Variants in CNTNAP2 observed in about 807,000 individuals in gnomAD.
The protein encoded by CNTNAP2 is contactin associated protein 2, also known as contactin-associated protein-like 2.
Under a neutral mutation model 155.2 loss-of-function variants are expected in CNTNAP2, and 98 were observed. That is an observed-to-expected ratio of 0.63 (90% CI 0.54 to 0.75). The LOEUF (loss-of-function observed/expected upper bound fraction) is 0.75, where lower values mean the gene tolerates loss of function less well. CNTNAP2 is among the 30% of genes least tolerant of loss of function. CNTNAP2 has a pLI of 0.00. For synonymous variants in CNTNAP2, 651 were observed against 631.2 expected, an observed-to-expected ratio of 1.03 and a Z score of -0.47; for missense variants, 1,727 against 1,688.1, an observed-to-expected ratio of 1.02 and a Z score of -0.40.
chr7:147,618,106 A>T (rs1381989274), intron 12 of CNTNAP2, among the ~76,000 whole-genome samples: 2 of 152,210 alleles, frequency 1.3e-5, no homozygotes, highest in African/African-American at 4.8e-5. Flanking sequence ...GATGCAGAAG[A>T]AATTTAAAGA....
At chr7:147,350,289 A>G (rs1249396834) in intron 9 of CNTNAP2, among the ~76,000 whole-genome samples, 1 of 151,988 alleles carries the variant, frequency 6.6e-6, no homozygotes, top group South Asian at 2.1e-4. Flanking sequence ...CACAAGATTT[A>G]GAAATCACCT....
chr7:147,315,212 T>C (rs1035660675), intron 9 of CNTNAP2, among the ~76,000 whole-genome samples: 1 of 150,716 alleles, frequency 6.6e-6, no homozygotes, highest in African/African-American at 2.4e-5. Context: ...ACAGATTTTC[T>C]TTTTTTCTTA....
chr7:146,467,384 C>T (rs573565884), intron 1 of CNTNAP2, among the ~76,000 whole-genome samples: 1 of 152,138 alleles, frequency 6.6e-6, no homozygotes, highest in East Asian at 1.9e-4. Context: ...TCATTAAAAG[C>T]AATTTTACAC....
chr7:147,799,651 G>A (rs1469883857), intron 13 of CNTNAP2, among the ~76,000 whole-genome samples: 1 of 152,218 alleles, frequency 6.6e-6, no homozygotes, highest in Non-Finnish European at 1.5e-5. Flanking sequence ...ATTGTCATTA[G>A]TCAGGCTACA....
At chr7:147,791,933 CCGGGCATAGAG>C (rs1797826591) in intron 13 of CNTNAP2, among the ~76,000 whole-genome samples, 1 of 152,204 alleles carries the variant, frequency 6.6e-6, no homozygotes, top group Admixed American at 6.5e-5. Context: ...GCCTGCCATT[CCGGGCATAGAG>C]CGGCTTGGCC....
chr7:147,175,179 T>G (rs1481999642), intron 8 of CNTNAP2, among the ~76,000 whole-genome samples: 2 of 152,172 alleles, frequency 1.3e-5, no homozygotes, highest in African/African-American at 4.8e-5. Context: ...ACATTTGTCT[T>G]AAATCACCCA....
intron 3 of CNTNAP2, among the ~76,000 whole-genome samples, chr7:146,863,643 G>T (rs973085656): frequency 6.6e-6 from 1 of 152,042 alleles, no homozygotes; most frequent in African/African-American, 2.4e-5. Flanking sequence ...TATGCTATTT[G>T]CTTCCCCTTC....
At chr7:147,746,093 T>C (rs77933105) in intron 13 of CNTNAP2, among the ~76,000 whole-genome samples, 1 of 152,246 alleles carries the variant, frequency 6.6e-6, no homozygotes, top group Non-Finnish European at 1.5e-5. Flanking sequence ...ATAGCACTGA[T>C]GAAGTGCATA....
At chr7:147,469,657 T>C (rs1158890398) in intron 10 of CNTNAP2, among the ~76,000 whole-genome samples, 1 of 151,824 alleles carries the variant, frequency 6.6e-6, no homozygotes, top group Non-Finnish European at 1.5e-5. Context: ...TAGCTGGGAC[T>C]ACAGGCGCCC....
At chr7:147,950,749 C>A (rs1800914188) in intron 14 of CNTNAP2, among the ~76,000 whole-genome samples, 1 of 152,224 alleles carries the variant, frequency 6.6e-6, no homozygotes, top group South Asian at 2.1e-4. Context: ...AAGAAGAGCA[C>A]TTTGACCTTC....
intron 11 of CNTNAP2, among the ~76,000 whole-genome samples, chr7:147,503,345 G>A (rs1798852533): frequency 6.6e-6 from 1 of 152,122 alleles, no homozygotes; most frequent in Non-Finnish European, 1.5e-5. Context: ...CCATTGGATT[G>A]AGTGTCCACA....
chr7:146,958,106 A>G (rs1314025325), intron 3 of CNTNAP2, among the ~76,000 whole-genome samples: 3 of 152,122 alleles, frequency 2.0e-5, no homozygotes, highest in Non-Finnish European at 4.4e-5. Flanking sequence ...TGAATTAGGG[A>G]GGGACAAGAA....
intron 8 of CNTNAP2, among the ~76,000 whole-genome samples, chr7:147,135,005 C>T (rs1240370248): frequency 6.6e-6 from 1 of 152,006 alleles, no homozygotes; most frequent in Non-Finnish European, 1.5e-5. Context: ...TTAATATATA[C>T]TGGTAACTTA....
chr7:146,262,873 A>T (rs1054336684), intron 1 of CNTNAP2, among the ~76,000 whole-genome samples: 1 of 152,192 alleles, frequency 6.6e-6, no homozygotes, highest in Non-Finnish European at 1.5e-5. Flanking sequence ...AGTAATTGGG[A>T]ATATATATAA....
chr7:146,990,663 C>G (rs79120193), intron 3 of CNTNAP2, among the ~76,000 whole-genome samples: 8,315 of 152,030 alleles, frequency 0.055, 369 homozygotes, highest in East Asian at 0.17. Flanking sequence ...AGAGAGAAAC[C>G]ATTCAATCAA....
chr7:148,209,257 C>G (rs1585188904), intron 18 of CNTNAP2, among the ~76,000 whole-genome samples: 1 of 151,610 alleles, frequency 6.6e-6, no homozygotes, highest in South Asian at 2.1e-4. Context: ...GCTGGGACTA[C>G]AGGCTTGTGC....
chr7:147,026,812 G>A (rs1350357842), intron 3 of CNTNAP2, among the ~76,000 whole-genome samples: 1 of 150,646 alleles, frequency 6.6e-6, no homozygotes, highest in East Asian at 1.9e-4. Context: ...ATTCAAAAAG[G>A]CAGATTCAAA....
rs551307171 is a variant in CNTNAP2 at position 148,022,355 on chromosome 7, G to A, written c.2383+44366G>A. ...GTGGCGGCAGGCACCTGTAGTCCCAGCTACTCAGGAGGCTGAGGCAGGAGA... is the reference window on the plus strand; with the variant it reads ...GTGGCGGCAGGCACCTGTAGTCCCAACTACTCAGGAGGCTGAGGCAGGAGA... On this transcript the variant is annotated intron_variant, in intron 15 of 23. Coordinates refer to ENST00000361727, the MANE Select transcript of CNTNAP2 (RefSeq NM_014141.6). Among the ~76,000 whole-genome samples the A allele has an allele frequency of 3.3e-5, 5 of 151,960 alleles. No individual in the cohort carries two copies. The East Asian group carries it at 9.8e-4, about 30-fold the overall frequency.
intron 1 of CNTNAP2, among the ~76,000 whole-genome samples, chr7:146,454,294 C>G (rs1796524022): frequency 6.6e-6 from 1 of 152,100 alleles, no homozygotes; most frequent in Non-Finnish European, 1.5e-5. Flanking sequence ...TGAAGTATTT[C>G]TTACCCCCTT....
Sources: allele counts gnomAD v4.1 joint callset (sites outside exome capture counted in the v4.1 genomes callset), GRCh38; gene constraint gnomAD v4.1.1; transcripts MANE v1.5; gene names NCBI Gene and HGNC (gene_info 2026-07-23, HGNC 2026-07-21).